Variants in INTS7 observed in about 807,000 individuals in gnomAD.
INTS7 encodes the protein chromosome 1 open reading frame 73.
INTS7 carries 46 observed loss-of-function variants against 109.2 expected under a neutral mutation model. The ratio of observed to expected loss-of-function variants is 0.42; its 90% CI spans 0.33 to 0.54. The LOEUF (loss-of-function observed/expected upper bound fraction) is 0.54. Among genes scored for constraint, INTS7 ranks in the 20% least tolerant of loss-of-function variants. The probability of loss-of-function intolerance (pLI) is 0.07; values close to 1 mark genes in which losing one functional copy is unlikely to be tolerated. For missense variants in INTS7, 929 were observed against 1,132.4 expected, an observed-to-expected ratio of 0.82 and a Z score of 2.58; for synonymous variants, 412 against 402.9, an observed-to-expected ratio of 1.02 and a Z score of -0.27.
intron 17 of INTS7, among the ~76,000 whole-genome samples, chr1:211,948,592 C>A (rs536461665): frequency 1.3e-5 from 2 of 152,326 alleles, no homozygotes; most frequent in South Asian, 4.1e-4. Flanking sequence ...AGGTCAACAG[C>A]CCCTTGGGTA....
At chr1:211,984,114 T>C (rs1664785580) in intron 8 of INTS7, among the ~76,000 whole-genome samples, 1 of 152,030 alleles carries the variant, frequency 6.6e-6, no homozygotes, top group Non-Finnish European at 1.5e-5. Flanking sequence ...GATCCTCCCA[T>C]CTTAGCCTCC....
chr1:212,026,867 CAG>C (rs1161759187), intron 1 of INTS7, among the ~76,000 whole-genome samples: 1 of 152,196 alleles, frequency 6.6e-6, no homozygotes, highest in Non-Finnish European at 1.5e-5. Context: ...GTCTCCTTGA[CAG>C]AATATAATCA....
intron 7 of INTS7, among the ~76,000 whole-genome samples, chr1:211,990,535 G>A (rs1665099812): frequency 6.6e-6 from 1 of 152,110 alleles, no homozygotes; most frequent in African/African-American, 2.4e-5. Context: ...TTGAGCTCTA[G>A]AAATTTTTTG....
Position 211,959,688 on chromosome 1 carries a change from TG to T in INTS7, c.2183+6741del, listed in dbSNP as rs139252789. On this transcript the variant is annotated intron_variant, in intron 16 of 19. Transcript: ENST00000366994. This position sits in a 1 kb window ranked among gnomAD's most constrained non-coding sequence, Gnocchi z 4.2. ...GCATTTGGAGCTCCTGTGTCAACAT[TG>T]CCCTGGGAGTGAAACCAGGCGTGAA... Among the ~76,000 whole-genome samples, 6,575 of 152,240 alleles carry T rather than the reference TG, an allele frequency of 0.043. 191 individuals are homozygous for T. Among genetic ancestry groups the T allele is most frequent in the African/African-American group, 0.074 (3,079 of 41,536 alleles).
chr1:211,967,806 T>G lies in INTS7; in HGVS notation c.2114+72A>C, dbSNP rs547213374. On this transcript the variant is annotated intron_variant, in intron 15 of 19. Coordinates refer to ENST00000366994, the MANE Select transcript of INTS7 (RefSeq NM_015434.4). The stretch of plus-strand genomic sequence containing the variant: ...TTAACATGTATTTTGTAGGTAAGCA[T>G]ATCTGAGGTAGTCCGTATTTAAAAG... The G allele has an allele frequency of 1.7e-5, 13 of 760,266 alleles. No homozygotes were observed. The Admixed American group carries it at 1.9e-4, about 11-fold the overall frequency. The allele number at this position is 760,266 out of a possible 1,614,324, so 47.1% of individuals were successfully genotyped here. A position where few individuals can be genotyped will look rare whatever the true frequency, so the allele number is the denominator to read the frequency against.
intron 9 of INTS7, 50 bp downstream of exon 9, chr1:211,982,626 C>T (rs1425351026): frequency 1.4e-6 from 2 of 1,446,048 alleles, no homozygotes; most frequent in Non-Finnish European, 9.3e-7. Context: ...GAATTCTGTC[C>T]AAGGTCTAAA....
chr1:211,974,960 T>C (rs1036131694), intron 13 of INTS7, among the ~76,000 whole-genome samples: 1 of 152,208 alleles, frequency 6.6e-6, no homozygotes. Flanking sequence ...TCTTCACATG[T>C]GGTACCCAGT....
chr1:211,966,495 C>T lies in INTS7; in HGVS notation c.2118G>A (p.Gln706=), dbSNP rs1663886346. 1 of 1,603,296 alleles carries T rather than the reference C, an allele frequency of 6.2e-7. No individual in the cohort carries two copies. Among genetic ancestry groups the T allele is most frequent in the South Asian group, 1.1e-5 (1 of 90,080 alleles). Residue 706 remains glutamine (Q), a synonymous_variant, in exon 16 of 20, where the codon CAG becomes CAA. Transcript: ENST00000366994. ...GAGATATCAGTAAACAGCTCTGCTG[C>T]TGTCTGGATTGATGTTAAGGTTACA... ...DSATLRNVEL[Q]QQSCLLISHA...
chr1:211,992,253 T>C (rs1016959463), intron 7 of INTS7, among the ~76,000 whole-genome samples: 1 of 152,116 alleles, frequency 6.6e-6, no homozygotes, highest in African/African-American at 2.4e-5. Context: ...ATATTATGTC[T>C]CAGATTGCTC....
intron 19 of INTS7, among the ~76,000 whole-genome samples, chr1:211,943,136 C>T (rs1198554412): frequency 1.3e-5 from 2 of 151,924 alleles, no homozygotes; most frequent in African/African-American, 4.8e-5. Flanking sequence ...AATATGCCAA[C>T]CAAAGAACTT....
At chr1:211,955,023 C>T (rs1335219329) in intron 16 of INTS7, among the ~76,000 whole-genome samples, 1 of 152,166 alleles carries the variant, frequency 6.6e-6, no homozygotes, top group Non-Finnish European at 1.5e-5. Flanking sequence ...TTCTTCCTAC[C>T]CATGAGCATG....
intron 8 of INTS7, among the ~76,000 whole-genome samples, chr1:211,985,563 A>T (rs986969192): frequency 3.3e-5 from 5 of 152,224 alleles, no homozygotes; most frequent in African/African-American, 1.2e-4. Context: ...AAGTATTATA[A>T]CCCAACATAA....
At chr1:211,968,354 T>A (rs954268723) in intron 14 of INTS7, among the ~76,000 whole-genome samples, 159 bp downstream of exon 14, 2 of 152,238 alleles carry the variant, frequency 1.3e-5, no homozygotes, top group African/African-American at 4.8e-5. Context: ...ATCTTTCTAA[T>A]AACACATCAG....
intron 19 of INTS7, among the ~76,000 whole-genome samples, chr1:211,944,130 C>CT (rs1296369057): frequency 6.6e-6 from 1 of 150,650 alleles, no homozygotes; most frequent in Non-Finnish European, 1.5e-5. Context: ...ATGCTATATA[C>CT]TTTTTTTAAT....
Position 212,007,568 on chromosome 1 carries a change from T to C in INTS7, c.557-119A>G, listed in dbSNP as rs1017116610. Reference sequence around the variant, plus strand: ...TTGAAAAACACAGTATACTAATATATTTATAACATTAAAGATTATACTAGA... The same window carrying C: ...TTGAAAAACACAGTATACTAATATACTTATAACATTAAAGATTATACTAGA... On this transcript the variant is annotated intron_variant, in intron 5 of 19. Transcript: ENST00000366994. 1.2e-5 allele frequency: 8 copies of C among 647,276 alleles called. No individual in the cohort carries two copies. In the Admixed American group the frequency reaches 2.1e-4, roughly 17 times the overall value. 40.1% of individuals were successfully genotyped at this position (647,276 alleles called of 1,614,324 possible).
In INTS7 at chr1:212,015,086, T is replaced by C. The variant is rs1029730182; in HGVS notation, c.509+1800A>G. 4.3e-5 allele frequency among the ~76,000 whole-genome samples: 6 copies of C among 139,516 alleles called. No individual in the cohort carries two copies. The South Asian group carries it at 1.1e-3, about 25-fold the overall frequency. 91.5% of individuals were successfully genotyped at this position (139,516 alleles called of 152,430 possible). On this transcript the variant is annotated intron_variant, in intron 4 of 19. Coordinates refer to ENST00000366994, the MANE Select transcript of INTS7 (RefSeq NM_015434.4). ...CCCGGCAGCCGCCCCATCCGGGAGG[T>C]GGGGGGCGGCCCCCGCCCGGGCAGC...
At chr1:211,975,456 A>G (rs958130632) in intron 12 of INTS7, 84 bp from the exon 13 acceptor site, 4 of 1,010,152 alleles carry the variant, frequency 4.0e-6, no homozygotes, top group Non-Finnish European at 4.5e-6. Flanking sequence ...TGCAGCAGCT[A>G]AAAGAGAAAC....
chr1:211,978,639 T>C, intron 10 of INTS7, 128 bp from the exon 11 acceptor site: 4 of 959,682 alleles, frequency 4.2e-6, no homozygotes, highest in Non-Finnish European at 6.1e-6. Flanking sequence ...AACATTTTAC[T>C]TCATAAGAAA....
chr1:211,999,975 C>G (rs112436784), intron 7 of INTS7, among the ~76,000 whole-genome samples: 5,197 of 152,070 alleles, frequency 0.034, 301 homozygotes, highest in African/African-American at 0.12. Flanking sequence ...CAGGGTGGCT[C>G]ATGCCTGTAA....
Sources: allele counts gnomAD v4.1 joint callset (sites outside exome capture counted in the v4.1 genomes callset), GRCh38; gene constraint gnomAD v4.1.1; non-coding constraint Gnocchi (gnomAD v3.1); transcripts MANE v1.5; gene names NCBI Gene and HGNC (gene_info 2026-07-23, HGNC 2026-07-21).